Variants in CACNA1B observed in about 807,000 individuals in gnomAD.
CACNA1B encodes the protein voltage-dependent N-type calcium channel subunit alpha-1B.
CACNA1B carries 70 observed loss-of-function variants against 247.2 expected under a neutral mutation model. That is an observed-to-expected ratio of 0.28 (90% confidence interval 0.23 to 0.35). The LOEUF (loss-of-function observed/expected upper bound fraction) is 0.35, where lower values mean the gene tolerates loss of function less well. CACNA1B is among the 10% of genes least tolerant of loss of function. CACNA1B has a pLI of 1.00. For synonymous variants in CACNA1B, 1,231 were observed against 1,294.4 expected (o/e 0.95, Z 1.05); for missense variants, 2,367 against 3,197.4 (o/e 0.74, Z 6.26).
chr9:138,113,276 A>G (rs1459930980), intron 40 of CACNA1B, among the ~76,000 whole-genome samples: 1 of 146,182 alleles, frequency 6.8e-6, no homozygotes, highest in Non-Finnish European at 1.5e-5. Flanking sequence ...ATCTTATGGG[A>G]TACATGAGGG....
chr9:138,118,811 G>A (rs574441801), intron 44 of CACNA1B, 43 bp downstream of exon 44: 19 of 881,240 alleles, frequency 2.2e-5, no homozygotes, highest in Non-Finnish European at 2.7e-5. Flanking sequence ...TGGGCAAGTG[G>A]GGGGTGGGGA....
intron 6 of CACNA1B, among the ~76,000 whole-genome samples, chr9:137,941,978 G>T (rs1160585565): frequency 1.3e-5 from 2 of 152,098 alleles, no homozygotes; most frequent in African/African-American, 4.8e-5. Flanking sequence ...AAGATAAATA[G>T]CTGGGACTTA....
At chr9:138,060,393 G>T (rs1171428225) in intron 31 of CACNA1B, among the ~76,000 whole-genome samples, 1 of 152,178 alleles carries the variant, frequency 6.6e-6, no homozygotes, top group Non-Finnish European at 1.5e-5. Flanking sequence ...TATGTTCCCA[G>T]TAGAAACCAG....
intron 3 of CACNA1B, among the ~76,000 whole-genome samples, chr9:137,901,970 C>T (rs1472982785): frequency 6.6e-6 from 1 of 152,166 alleles, no homozygotes; most frequent in Non-Finnish European, 1.5e-5. Flanking sequence ...GGATTACAGG[C>T]GTGAGCCACT....
intron 37 of CACNA1B, among the ~76,000 whole-genome samples, chr9:138,099,682 G>T (rs1261947561): frequency 8.0e-5 from 12 of 149,582 alleles, no homozygotes; most frequent in South Asian, 2.1e-4. Context: ...GCCTGTGTGG[G>T]TGTGCATGTG....
intron 31 of CACNA1B, among the ~76,000 whole-genome samples, chr9:138,061,767 C>T: frequency 6.6e-6 from 1 of 152,234 alleles, no homozygotes; most frequent in Non-Finnish European, 1.5e-5. Context: ...AATCACTGCC[C>T]TTTCCAGGAG....
chr9:137,881,190 C>T lies in CACNA1B; in HGVS notation c.391-1554C>T, dbSNP rs994735072. ...GGGCAGATGGTCAGCAACCCCACCCCTTGGGAAAAGGGGTCCCTCCTAAAC... is the reference window on the plus strand; with the variant it reads ...GGGCAGATGGTCAGCAACCCCACCCTTTGGGAAAAGGGGTCCCTCCTAAAC... On this transcript the variant is annotated intron_variant, in intron 2 of 46. Coordinates refer to ENST00000371372, the MANE Select transcript of CACNA1B (RefSeq NM_000718.4). The surrounding 1 kb of genome is among the most constrained non-coding windows in gnomAD (Gnocchi z 4.3). 3.3e-5 allele frequency among the ~76,000 whole-genome samples: 5 copies of T among 152,176 alleles called. No homozygotes were observed. The highest frequency in any genetic ancestry group is 5.9e-5 in the Non-Finnish European group (4 of 68,014).
intron 36 of CACNA1B, among the ~76,000 whole-genome samples, chr9:138,089,122 C>T (rs1008392217): frequency 3.3e-5 from 5 of 151,996 alleles, no homozygotes; most frequent in African/African-American, 1.2e-4. Flanking sequence ...TAAACTCATT[C>T]TACAAGACTA....
chr9:137,933,934 G>A (rs1376647539), intron 6 of CACNA1B, among the ~76,000 whole-genome samples: 7 of 152,130 alleles, frequency 4.6e-5, no homozygotes, highest in Admixed American at 3.9e-4. Context: ...CCTATAGAAT[G>A]GGAACTTCAG....
chr9:137,984,506 A>G (rs979066874), intron 13 of CACNA1B, among the ~76,000 whole-genome samples: 1 of 152,174 alleles, frequency 6.6e-6, no homozygotes, highest in African/African-American at 2.4e-5. Flanking sequence ...ACGATTTCCC[A>G]TCGTCTCCTG....
intron 36 of CACNA1B, among the ~76,000 whole-genome samples, chr9:138,091,328 A>T (rs977619931): frequency 7.3e-5 from 11 of 151,458 alleles, no homozygotes; most frequent in Admixed American, 1.3e-4. Flanking sequence ...TGTGGAAGCT[A>T]AAAAAAAATT....
At chr9:138,045,052 G>A (rs1959170668) in intron 21 of CACNA1B, among the ~76,000 whole-genome samples, 1 of 152,240 alleles carries the variant, frequency 6.6e-6, no homozygotes, top group Non-Finnish European at 1.5e-5. Context: ...AGGTTTTCTG[G>A]TGGAAGTGAC....
intron 16 of CACNA1B, 60 bp from the exon 17 acceptor site, chr9:138,009,950 C>T: frequency 2.2e-6 from 3 of 1,335,296 alleles, no homozygotes. Flanking sequence ...ATGGGGGAAG[C>T]TGCAGTGTGA....
chr9:138,053,811 A>ACC (rs1959391852), intron 25 of CACNA1B, 35 bp from the exon 26 acceptor site: 1 of 1,361,536 alleles, frequency 7.3e-7, no homozygotes, highest in African/African-American at 1.9e-5. Context: ...CCATGATTCC[A>ACC]CCCCCTCATC....
At chr9:138,076,013 C>G in intron 35 of CACNA1B, 103 bp downstream of exon 35, 1 of 745,140 alleles carries the variant, frequency 1.3e-6, no homozygotes, top group Non-Finnish European at 2.4e-6. Flanking sequence ...CCACCCACTT[C>G]TAATTCCCCG....
At chr9:137,987,563 C>T (rs1397819506) in intron 15 of CACNA1B, among the ~76,000 whole-genome samples, 2 of 152,168 alleles carry the variant, frequency 1.3e-5, no homozygotes, top group African/African-American at 2.4e-5. Flanking sequence ...ATGCCTCTTA[C>T]GGAGGCCCAA....
intron 20 of CACNA1B, among the ~76,000 whole-genome samples, chr9:138,030,087 G>A (rs959567309): frequency 3.9e-5 from 6 of 152,040 alleles, no homozygotes; most frequent in African/African-American, 1.2e-4. Context: ...TTCCCTTATT[G>A]CACTGTCTGT....
intron 11 of CACNA1B, among the ~76,000 whole-genome samples, chr9:137,975,285 G>A (rs774774164): frequency 6.6e-6 from 1 of 152,214 alleles, no homozygotes; most frequent in South Asian, 2.1e-4. Context: ...CAAGGGGACA[G>A]TGCCTCTTGG....
In CACNA1B at chr9:137,952,223, G is replaced by A. The variant is rs139394571; in HGVS notation, c.967-51G>A. ...GGGGGCTGGGGGTGCTCCTGTGGCC[G>A]GGACTGTGTTTTGTCCCTGTCCTTC... On this transcript the variant is annotated intron_variant, in intron 6 of 46. Transcript: ENST00000371372. The surrounding 1 kb of genome is among the most constrained non-coding windows in gnomAD (Gnocchi z 4.8). The A allele has an allele frequency of 6.8e-4, 983 of 1,456,256 alleles. 5 individuals are homozygous for A. In the African/African-American group the frequency reaches 0.011, roughly 17 times the overall value. The allele number at this position is 1,456,256 out of a possible 1,614,324, so 90.2% of individuals were successfully genotyped here.
Sources: gnomAD v4.1 joint callset for allele counts (sites outside exome capture counted in the v4.1 genomes callset) on GRCh38, gnomAD v4.1.1 for gene constraint, Gnocchi (gnomAD v3.1) non-coding constraint, MANE v1.5 for transcripts, NCBI Gene and HGNC (gene_info 2026-07-23, HGNC 2026-07-21) for gene names.